MSR1: variants seen among roughly 807,000 people sequenced by gnomAD.
The protein encoded by MSR1 is macrophage scavenger receptor 1.
In MSR1, 53 loss-of-function variants were observed where a neutral mutation model predicts 47.2. That is an observed-to-expected ratio of 1.12 (90% CI 0.90 to 1.41). MSR1 has a LOEUF of 1.41. Ranked by LOEUF, MSR1 falls within the 40% of genes most tolerant of loss-of-function variation. The pLI is 0.00. For missense variants in MSR1, 786 were observed against 546.9 expected (o/e 1.44, Z -4.36); for synonymous variants, 239 against 185.6 (o/e 1.29, Z -2.34).
intron 4 of MSR1, among the ~76,000 whole-genome samples, chr8:16,165,870 T>C (rs1177472342): frequency 1.3e-5 from 2 of 152,148 alleles, no homozygotes; most frequent in African/African-American, 4.8e-5. Context: ...AACCTTATTC[T>C]AGATTAGAAT....
intron 7 of MSR1, among the ~76,000 whole-genome samples, chr8:16,148,541 C>T (rs780135553): frequency 2.0e-5 from 3 of 152,080 alleles, no homozygotes. Flanking sequence ...ATTGCAACCT[C>T]TGCCTCCTGG....
chr8:16,148,381 A>G (rs545007455), intron 7 of MSR1, among the ~76,000 whole-genome samples: 39 of 152,274 alleles, frequency 2.6e-4, no homozygotes, highest in African/African-American at 9.4e-4. Flanking sequence ...CATTTGATCC[A>G]ACAATCACAC....
intron 5 of MSR1, 37 bp downstream of exon 5, chr8:16,164,028 A>G: frequency 1.4e-6 from 2 of 1,476,702 alleles, no homozygotes; most frequent in Non-Finnish European, 1.9e-6. Context: ...ATTTTAATAT[A>G]TATATCATTT....
At position 16,175,954 on chromosome 8, in the gene MSR1, TG is replaced by T. The variant is rs577239138; in HGVS notation, c.104-655del. On this transcript the variant is annotated intron_variant, in intron 2 of 9. Transcript: ENST00000262101. ...AACCTTTTATTCATATGCATTTATA[TG>T]GCACTGTGATTTATATAATGGGATA... Among the ~76,000 whole-genome samples the T allele has an allele frequency of 1.2e-3, 190 of 152,312 alleles. No individual in the cohort carries two copies. The Middle Eastern group carries it at 0.027, about 22-fold the overall frequency.
At chr8:16,150,161 T>C (rs900697230) in intron 7 of MSR1, 70 bp downstream of exon 7, 1 of 276,622 alleles carries the variant, frequency 3.6e-6, no homozygotes, top group East Asian at 8.8e-5. Flanking sequence ...TATATATATA[T>C]ATATATATAT....
chr8:16,165,252 C>A (rs896202263), intron 4 of MSR1, among the ~76,000 whole-genome samples: 1 of 152,018 alleles, frequency 6.6e-6, no homozygotes, highest in Non-Finnish European at 1.5e-5. Flanking sequence ...CCTCTTACTG[C>A]GTATCAGCGT....
chr8:16,167,623 A>T (rs1801351999), intron 4 of MSR1, among the ~76,000 whole-genome samples: 1 of 152,168 alleles, frequency 6.6e-6, no homozygotes, highest in Non-Finnish European at 1.5e-5. Flanking sequence ...AATCAAATGT[A>T]TCCTTCTTCT....
At position 16,108,367 on chromosome 8, in the gene MSR1, T is replaced by C. The variant is rs1799682214; in HGVS notation, c.*1718A>G. ...AATACTATTGACAACCCATAGGCAC[T>C]GATTTCAGACATCCCATGCATACCA... On this transcript the variant is annotated 3_prime_UTR_variant, in exon 10 of 10. Transcript: ENST00000262101. 1 of 151,728 alleles carries C rather than the reference T, an allele frequency of 6.6e-6. No homozygotes were observed. The highest frequency in any genetic ancestry group is 6.6e-5 in the Admixed American group (1 of 15,224). The allele number at this position is 151,728 out of a possible 1,614,324, so 9.4% of individuals were successfully genotyped here.
intron 5 of MSR1, among the ~76,000 whole-genome samples, chr8:16,159,038 G>A (rs1801089328): frequency 6.8e-6 from 1 of 147,710 alleles, no homozygotes; most frequent in East Asian, 2.1e-4. Context: ...CTGAAGTGCT[G>A]GAATTATATT....
intron 1 of MSR1, among the ~76,000 whole-genome samples, chr8:16,180,325 T>G (rs1179310096): frequency 6.6e-6 from 1 of 152,142 alleles, no homozygotes; most frequent in Non-Finnish European, 1.5e-5. Flanking sequence ...TTAACATGTA[T>G]CAGAAACATT....
intron 8 of MSR1, among the ~76,000 whole-genome samples, chr8:16,129,241 A>C (rs968679446): frequency 3.3e-5 from 5 of 152,160 alleles, no homozygotes; most frequent in African/African-American, 1.2e-4. Context: ...TTCACATTAG[A>C]ATTCCTTTAT....
intron 8 of MSR1, among the ~76,000 whole-genome samples, chr8:16,134,016 G>T (rs2117090629): frequency 6.6e-6 from 1 of 152,252 alleles, no homozygotes; most frequent in Admixed American, 6.5e-5. Context: ...AATTGACGTG[G>T]ATAGTCAGCT....
At chr8:16,127,141 A>G (rs899066224) in intron 8 of MSR1, among the ~76,000 whole-genome samples, 2 of 152,166 alleles carry the variant, frequency 1.3e-5, no homozygotes, top group African/African-American at 4.8e-5. Context: ...AATCCCAAGG[A>G]GAACTTTTGG....
intron 2 of MSR1, among the ~76,000 whole-genome samples, chr8:16,177,177 T>C (rs1801673745): frequency 6.6e-6 from 1 of 152,146 alleles, no homozygotes. Context: ...AACAGATATG[T>C]TAAAGTTTTA....
chr8:16,150,178 A>T, intron 7 of MSR1, 53 bp downstream of exon 7: 1 of 417,806 alleles, frequency 2.4e-6, no homozygotes, highest in Non-Finnish European at 4.1e-6. Context: ...ATATAAAATT[A>T]TCTGGTGTTT....
intron 3 of MSR1, among the ~76,000 whole-genome samples, chr8:16,171,690 T>C (rs962044979): frequency 3.0e-4 from 45 of 152,180 alleles, no homozygotes; most frequent in African/African-American, 9.9e-4. Context: ...GGAGCCCAAA[T>C]AAACAATTTT....
chr8:16,168,631 T>A lies in MSR1; in HGVS notation c.457A>T (p.Asn153Tyr). 1 of 1,614,132 alleles carries A rather than the reference T, an allele frequency of 6.2e-7. No individual in the cohort carries two copies. The highest frequency in any genetic ancestry group is 8.5e-7 in the Non-Finnish European group (1 of 1,180,002). ...GTACTTAGCTGCAGAAGAATGTCAT[T>A]AAATCTTTGATCAGTTGTCATGCTG... ...NFSMTTDQRF[N>Y]DILLQLSTLF... The change falls in exon 4 of 10, where the codon AAT becomes TAT. Residue 153 changes from asparagine (N) to tyrosine (Y), a missense_variant. Coordinates refer to ENST00000262101, the MANE Select transcript of MSR1 (RefSeq NM_138715.3).
At chr8:16,178,018 T>C (rs1801706784) in intron 1 of MSR1, 26 bp from the exon 2 acceptor site, 3 of 1,552,798 alleles carry the variant, frequency 1.9e-6, no homozygotes, top group African/African-American at 2.7e-5. Flanking sequence ...GAAAAATATA[T>C]TAATTCCACA....
Position 16,140,360 on chromosome 8 carries a change from T to C in MSR1, c.1033+3198A>G, listed in dbSNP as rs1023968890. Reference sequence around the variant, plus strand: ...TGCTTTGGAAAGAGACCAGTATTCATTGAAGATTGAGCTGATTCCTCAGTA... The same window carrying C: ...TGCTTTGGAAAGAGACCAGTATTCACTGAAGATTGAGCTGATTCCTCAGTA... On this transcript the variant is annotated intron_variant, in intron 8 of 9. Coordinates refer to ENST00000262101, the MANE Select transcript of MSR1 (RefSeq NM_138715.3). The C allele has an allele frequency of 3.0e-5, 30 of 985,290 alleles. 1 individual carries two copies. In the Admixed American group the frequency reaches 7.4e-4, roughly 24 times the overall value. The allele number at this position is 985,290 out of a possible 1,614,324, so 61.0% of individuals were successfully genotyped here.
Sources: allele counts gnomAD v4.1 joint callset (sites outside exome capture counted in the v4.1 genomes callset), GRCh38; gene constraint gnomAD v4.1.1; transcripts MANE v1.5; gene names NCBI Gene and HGNC (gene_info 2026-07-23, HGNC 2026-07-21).